Variants in CNTNAP5 observed in about 807,000 individuals in gnomAD.
CNTNAP5 encodes contactin associated protein family member 5.
In CNTNAP5, 72 loss-of-function variants were observed where a neutral mutation model predicts 150.2. The ratio of observed to expected loss-of-function variants is 0.48; its 90% CI spans 0.40 to 0.58. CNTNAP5 has a LOEUF of 0.58. CNTNAP5 is among the 20% of genes least tolerant of loss of function. CNTNAP5 has a pLI of 0.00. For missense variants in CNTNAP5, 1,636 were observed against 1,626.2 expected (o/e 1.01, Z -0.10); for synonymous variants, 672 against 619.8 (o/e 1.08, Z -1.25).
intron 19 of CNTNAP5, among the ~76,000 whole-genome samples, chr2:124,800,447 T>C (rs558229973): frequency 6.6e-6 from 1 of 152,262 alleles, no homozygotes; most frequent in South Asian, 2.1e-4. Flanking sequence ...AACATTTACT[T>C]CTCATCACAA....
At chr2:124,580,688 G>GTC (rs1006836003) in intron 11 of CNTNAP5, among the ~76,000 whole-genome samples, 27 of 152,100 alleles carry the variant, frequency 1.8e-4, no homozygotes, top group Admixed American at 1.1e-3. Flanking sequence ...TGCAGTCTCC[G>GTC]TCTCTCTCTC....
chr2:124,036,962 C>G (rs1681239047), intron 1 of CNTNAP5, among the ~76,000 whole-genome samples: 1 of 152,208 alleles, frequency 6.6e-6, no homozygotes, highest in African/African-American at 2.4e-5. Context: ...TATTGTTAAA[C>G]TCCAGCAGAT....
At chr2:124,623,716 T>A (rs1401666705) in intron 12 of CNTNAP5, among the ~76,000 whole-genome samples, 1 of 152,150 alleles carries the variant, frequency 6.6e-6, no homozygotes, top group Non-Finnish European at 1.5e-5. Flanking sequence ...ACATCCACTG[T>A]CTTTAGGGAC....
chr2:124,469,281 T>A lies in CNTNAP5; in HGVS notation c.919-5458T>A, dbSNP rs542973312. ...AACTCTCCACCCTGAATATTTTCAATAGCACTGTGTTTTGCTATTTAAAAG... is the reference window on the plus strand; with the variant it reads ...AACTCTCCACCCTGAATATTTTCAAAAGCACTGTGTTTTGCTATTTAAAAG... On this transcript the variant is annotated intron_variant, in intron 6 of 23. Transcript: ENST00000682447. 3.7e-4 allele frequency among the ~76,000 whole-genome samples: 56 copies of A among 152,310 alleles called. 2 individuals carry two copies. The highest frequency in any genetic ancestry group is 1.3e-3 in the African/African-American group (53 of 41,592).
intron 19 of CNTNAP5, among the ~76,000 whole-genome samples, chr2:124,862,514 G>A (rs974711312): frequency 6.6e-6 from 1 of 152,180 alleles, no homozygotes; most frequent in East Asian, 1.9e-4. Context: ...GCAAGCCGAG[G>A]GGGTAGAGGA....
At chr2:124,722,037 G>T (rs1573573357) in intron 13 of CNTNAP5, among the ~76,000 whole-genome samples, 1 of 151,860 alleles carries the variant, frequency 6.6e-6, no homozygotes, top group Non-Finnish European at 1.5e-5. Context: ...CATTGGATTT[G>T]GGCCCCACAT....
intron 13 of CNTNAP5, among the ~76,000 whole-genome samples, chr2:124,688,105 A>G (rs1469591127): frequency 6.6e-6 from 1 of 151,984 alleles, no homozygotes; most frequent in Non-Finnish European, 1.5e-5. Flanking sequence ...CTTTCCTGGG[A>G]TTTTTCCATA....
intron 1 of CNTNAP5, among the ~76,000 whole-genome samples, chr2:124,136,779 C>A (rs1352763315): frequency 6.6e-6 from 1 of 152,154 alleles, no homozygotes; most frequent in Non-Finnish European, 1.5e-5. Context: ...TGGCTGAAAG[C>A]AATGCACCTC....
At chr2:124,472,777 C>T (rs1693546815) in intron 6 of CNTNAP5, among the ~76,000 whole-genome samples, 1 of 151,646 alleles carries the variant, frequency 6.6e-6, no homozygotes, top group African/African-American at 2.4e-5. Context: ...ATATATGCCT[C>T]AATTTAAAGA....
intron 1 of CNTNAP5, among the ~76,000 whole-genome samples, chr2:124,071,506 G>A (rs937414988): frequency 2.6e-5 from 4 of 151,752 alleles, no homozygotes; most frequent in Non-Finnish European, 4.4e-5. Context: ...AATTGGAGAT[G>A]AAAAATAAGA....
intron 9 of CNTNAP5, among the ~76,000 whole-genome samples, 195 bp from the exon 10 acceptor site, chr2:124,527,090 G>A (rs1694985605): frequency 6.6e-6 from 1 of 152,134 alleles, no homozygotes; most frequent in Non-Finnish European, 1.5e-5. Flanking sequence ...TCTCTACAGT[G>A]ATGGAGTATA....
chr2:124,263,420 T>C (rs145667268), intron 3 of CNTNAP5, among the ~76,000 whole-genome samples: 3,187 of 152,336 alleles, frequency 0.021, 58 homozygotes, highest in Middle Eastern at 0.054. Flanking sequence ...CATTTTTTCA[T>C]GTGTCTTTTG....
intron 13 of CNTNAP5, among the ~76,000 whole-genome samples, chr2:124,715,310 T>C (rs1221235809): frequency 6.6e-6 from 1 of 152,164 alleles, no homozygotes; most frequent in African/African-American, 2.4e-5. Context: ...GAAAACCCAT[T>C]TGACGGCTTA....
chr2:124,248,088 C>A (rs1687075588), intron 3 of CNTNAP5, among the ~76,000 whole-genome samples: 1 of 152,184 alleles, frequency 6.6e-6, no homozygotes, highest in South Asian at 2.1e-4. Context: ...CAAGTTATTA[C>A]AATGTCACAG....
At chr2:124,230,492 T>TTGTG (rs10574167) in intron 2 of CNTNAP5, among the ~76,000 whole-genome samples, 4 of 148,796 alleles carry the variant, frequency 2.7e-5, no homozygotes, top group East Asian at 2.0e-4. Flanking sequence ...TTTATTTCTT[T>TTGTG]TGTGTGTGTG....
chr2:124,246,555 G>C (rs1440193313), intron 3 of CNTNAP5, among the ~76,000 whole-genome samples: 1 of 152,144 alleles, frequency 6.6e-6, no homozygotes, highest in Admixed American at 6.6e-5. Context: ...ATGAGCCAAT[G>C]CTTGGTAAAG....
chr2:124,196,892 G>A (rs1423139637), intron 1 of CNTNAP5, among the ~76,000 whole-genome samples: 1 of 152,118 alleles, frequency 6.6e-6, no homozygotes, highest in Non-Finnish European at 1.5e-5. Flanking sequence ...CCATTTCCTT[G>A]TCTTCTGCCT....
intron 14 of CNTNAP5, among the ~76,000 whole-genome samples, chr2:124,755,418 G>C (rs917110314): frequency 3.9e-5 from 6 of 152,128 alleles, no homozygotes; most frequent in Non-Finnish European, 8.8e-5. Flanking sequence ...TTACCACAGG[G>C]ATATTCAGAA....
intron 13 of CNTNAP5, among the ~76,000 whole-genome samples, chr2:124,707,082 AGAG>A (rs1451372937): frequency 7.2e-6 from 1 of 138,358 alleles, no homozygotes; most frequent in African/African-American, 2.8e-5. Context: ...AAGAAGAAGA[AGAG>A]GAAGAAGAAG....
Sources: allele counts gnomAD v4.1 joint callset (sites outside exome capture counted in the v4.1 genomes callset), GRCh38; gene constraint gnomAD v4.1.1; transcripts MANE v1.5; gene names NCBI Gene and HGNC (gene_info 2026-07-23, HGNC 2026-07-21).